The following LONRF3 variants were observed in gnomAD, a reference collection of about 807,000 sequenced individuals.
LONRF3 encodes LON peptidase N-terminal domain and RING finger protein 3.
Under a neutral mutation model 51.7 loss-of-function variants are expected in LONRF3, and 19 were observed. That is an observed-to-expected ratio of 0.37 (90% CI 0.26 to 0.54). The LOEUF (loss-of-function observed/expected upper bound fraction) is 0.54. LONRF3 is among the 20% of genes least tolerant of loss of function. The pLI is 0.86. For missense variants in LONRF3, 521 were observed against 623.9 expected, an observed-to-expected ratio of 0.84 and a Z score of 1.76; for synonymous variants, 265 against 257.8, an observed-to-expected ratio of 1.03 and a Z score of -0.27.
At chrX:119,002,070 A>G (rs1032894938) in intron 5 of LONRF3, among the ~76,000 whole-genome samples, 1 of 112,675 alleles carries the variant, frequency 8.9e-6, no homozygotes, top group Non-Finnish European at 1.9e-5. Flanking sequence ...GTTCCAAATC[A>G]CACTTTTGAA....
intron 9 of LONRF3, 38 bp from the exon 10 acceptor site, chrX:119,014,169 G>A (rs777096244): frequency 8.5e-7 from 1 of 1,174,141 alleles, no homozygotes; most frequent in Admixed American, 2.3e-5. Flanking sequence ...ATGATGGAGA[G>A]GGTACAGAAT....
At chrX:119,007,536 C>T (rs1209400100) in intron 6 of LONRF3, among the ~76,000 whole-genome samples, 1 of 112,566 alleles carries the variant, frequency 8.9e-6, no homozygotes, top group Non-Finnish European at 1.9e-5. Context: ...CCCTCAGGGA[C>T]TTATCTGCCA....
intron 1 of LONRF3, chrX:118,976,207 G>A (rs1922036378): frequency 8.8e-6 from 1 of 113,525 alleles, no homozygotes; most frequent in African/African-American, 3.2e-5. Context: ...AATTAGGTCA[G>A]GAGAGCACTG....
intron 2 of LONRF3, among the ~76,000 whole-genome samples, chrX:118,979,580 G>A (rs1419319412): frequency 4.5e-5 from 5 of 112,023 alleles, no homozygotes; most frequent in African/African-American, 1.6e-4. Context: ...GTGAGCCACC[G>A]TGTCCAGCCT....
At chrX:118,980,846 G>A (rs769050845) in intron 2 of LONRF3, among the ~76,000 whole-genome samples, 1 of 111,608 alleles carries the variant, frequency 9.0e-6, no homozygotes, top group South Asian at 3.8e-4. Flanking sequence ...GAAGCATTTT[G>A]GATGAAATGG....
At chrX:119,004,781 G>A (rs746163412) in intron 5 of LONRF3, among the ~76,000 whole-genome samples, 1 of 112,423 alleles carries the variant, frequency 8.9e-6, no homozygotes, top group East Asian at 2.8e-4. Flanking sequence ...TTATCAAATT[G>A]TACACTTTAC....
intron 5 of LONRF3, among the ~76,000 whole-genome samples, chrX:118,993,803 C>T (rs1413305132): frequency 1.8e-5 from 2 of 111,621 alleles, no homozygotes; most frequent in Non-Finnish European, 1.9e-5. Context: ...TAAAGGAAAA[C>T]CTATCAGATT....
At chrX:118,992,232 A>G (rs1482594543) in intron 5 of LONRF3, among the ~76,000 whole-genome samples, 1 of 111,351 alleles carries the variant, frequency 9.0e-6, no homozygotes, top group African/African-American at 3.3e-5. Flanking sequence ...TGCAGGACCC[A>G]GGAGACACCC....
intron 2 of LONRF3, 39 bp downstream of exon 2, chrX:118,978,502 G>A (rs2090950809): frequency 2.1e-6 from 2 of 945,802 alleles, no homozygotes; most frequent in Non-Finnish European, 3.0e-6. Flanking sequence ...GGGTTGTACT[G>A]TAGACAGGTA....
At position 119,014,215 on chromosome X, in the gene LONRF3, A is replaced by G. The variant is rs776141582; in HGVS notation, c.1983A>G (p.Gly661=). 1 of 1,205,472 alleles carries G rather than the reference A, an allele frequency of 8.3e-7. No individual in the cohort carries two copies. The highest frequency in any genetic ancestry group is 1.1e-6 in the Non-Finnish European group (1 of 892,820). The change falls in exon 10 of 11, where the codon GGA becomes GGG. Residue 661 remains glycine (G), a synonymous_variant. Transcript: ENST00000371628. ...CACTTTGATACTTTCAGGTTCAGGG[A>G]GAGGATTGTGCTGAGCTCATGGGAT... The part of the protein sequence containing the change: ...IEYIEDQKVQ[G]EDCAELMGLH...
Position 119,011,833 on chromosome X carries a change from T to C in LONRF3, c.1671T>C (p.Pro557=), listed in dbSNP as rs1380890866. 7.4e-6 allele frequency: 9 copies of C among 1,209,843 alleles called. No homozygotes were observed. Among genetic ancestry groups the C allele is most frequent in the Non-Finnish European group, 1.0e-5 (9 of 895,009 alleles). Residue 557 remains proline, a synonymous_variant, in exon 8 of 11, where the codon CCT becomes CCC. Transcript: ENST00000371628. ...CTGACAGCCTTAATAAGAATGTGCC[T>C]ATTTTCGTGTGTACTATGGCCTATC... ...EELSNLNKNV[P]IFVCTMAYPT...
Position 119,017,596 on chromosome X carries a change from G to A in LONRF3, c.2186G>A (p.Arg729Gln), listed in dbSNP as rs143959775. 17 of 1,210,851 alleles carry A rather than the reference G, an allele frequency of 1.4e-5. No homozygotes were observed. The highest frequency in any genetic ancestry group is 1.9e-5 in the Non-Finnish European group (17 of 895,044). ...TTAGCAGTTCTTCCCTTGGAAAGCCGAGCTCAGCTCCCCTTCCTAGCAATG... is the reference window on the plus strand; with the variant it reads ...TTAGCAGTTCTTCCCTTGGAAAGCCAAGCTCAGCTCCCCTTCCTAGCAATG... ...WMLAVLPLES[R>Q]AQLPFLAMRS... Residue 729 changes from arginine to glutamine, a missense_variant, in exon 11 of 11, where the codon CGA becomes CAA. Physicochemically the swap from Arg to Gln is conservative, Grantham distance 43. Around this residue, in one of 2 missense-constraint regions of LONRF3, gnomAD observed 145 missense variants for 247.2 expected, o/e 0.59. Transcript: ENST00000371628.
chrX:118,990,851 C>CT (rs1045756503), intron 5 of LONRF3, among the ~76,000 whole-genome samples: 24 of 107,261 alleles, frequency 2.2e-4, no homozygotes, highest in South Asian at 4.0e-4. Flanking sequence ...CTGAATATGT[C>CT]TTTTTTTTTT....
chrX:119,005,180 C>G (rs1384341690), intron 5 of LONRF3, among the ~76,000 whole-genome samples: 2 of 111,592 alleles, frequency 1.8e-5, no homozygotes, highest in Non-Finnish European at 3.8e-5. Flanking sequence ...TGAAAATAGG[C>G]TGGTCAGGCA....
At chrX:118,996,068 T>C (rs1923846129) in intron 5 of LONRF3, among the ~76,000 whole-genome samples, 1 of 112,323 alleles carries the variant, frequency 8.9e-6, no homozygotes, top group Admixed American at 9.4e-5. Flanking sequence ...GTATGTCCCT[T>C]GTATGCTGAT....
At chrX:118,982,409 G>C (rs952405866) in intron 2 of LONRF3, among the ~76,000 whole-genome samples, 3 of 111,649 alleles carry the variant, frequency 2.7e-5, no homozygotes, top group Non-Finnish European at 1.9e-5. Flanking sequence ...CTCTGCTTGA[G>C]AGACTAGTTC....
chrX:119,002,618 G>T (rs752311059), intron 5 of LONRF3, among the ~76,000 whole-genome samples: 1 of 110,833 alleles, frequency 9.0e-6, no homozygotes, highest in South Asian at 3.9e-4. Flanking sequence ...ATAAGTGTTT[G>T]TTCATTTTCT....
chrX:118,998,117 G>T (rs1924002386), intron 5 of LONRF3, among the ~76,000 whole-genome samples: 1 of 112,091 alleles, frequency 8.9e-6, no homozygotes. Flanking sequence ...ATCCCACTGG[G>T]TATCTACCCA....
chrX:119,014,498 C>A, intron 10 of LONRF3, 142 bp downstream of exon 10: 1 of 576,060 alleles, frequency 1.7e-6, no homozygotes, highest in Non-Finnish European at 2.7e-6. Context: ...TGTTTGGCTG[C>A]ACAGTGAGCG....
Sources: gnomAD v4.1 joint callset for allele counts (sites outside exome capture counted in the v4.1 genomes callset) on GRCh38, gnomAD v4.1.1 for gene constraint, gnomAD v4.1.1 regional missense constraint, MANE v1.5 for transcripts, NCBI Gene and HGNC (gene_info 2026-07-23, HGNC 2026-07-21) for gene names.